Variants in MYO3B observed in about 807,000 individuals in gnomAD.
MYO3B encodes the protein myosin IIIB.
A neutral mutation model predicts 174.6 loss-of-function variants in MYO3B; 156 were observed. The observed-to-expected ratio is 0.89, with a 90% CI of 0.78 to 1.02. MYO3B has a LOEUF of 1.02. Ranked by LOEUF, MYO3B falls within the 50% of genes least tolerant of loss-of-function variation. MYO3B has a pLI of 0.00. For missense variants in MYO3B, 1,632 were observed against 1,639.4 expected, an observed-to-expected ratio of 1.00 and a Z score of 0.08; for synonymous variants, 563 against 569.1, an observed-to-expected ratio of 0.99 and a Z score of 0.15.
intron 32 of MYO3B, among the ~76,000 whole-genome samples, chr2:170,628,262 C>T (rs1019518281): frequency 7.9e-5 from 12 of 152,246 alleles, no homozygotes; most frequent in Admixed American, 7.9e-4. Context: ...GCCCCACCCC[C>T]AGCCTCACTG....
At chr2:170,197,864 A>T (rs2092617693) in intron 1 of MYO3B, among the ~76,000 whole-genome samples, 1 of 152,156 alleles carries the variant, frequency 6.6e-6, no homozygotes. Context: ...GATGGTGTAC[A>T]ATCACCTTGA....
At position 170,654,333 on chromosome 2, in the gene MYO3B, T is replaced by C. The variant is rs1699172072; in HGVS notation, c.*1212T>C. 1 of 152,070 alleles carries C rather than the reference T, an allele frequency of 6.6e-6. No homozygotes were observed. The highest frequency in any genetic ancestry group is 2.1e-4 in the South Asian group (1 of 4,830). The allele number at this position is 152,070 out of a possible 1,614,324, so 9.4% of individuals were successfully genotyped here. On this transcript the variant is annotated 3_prime_UTR_variant, in exon 35 of 35. Transcript: ENST00000408978. The stretch of plus-strand genomic sequence containing the variant: ...TTAATATTTTTCTTACTCTAAAATA[T>C]GTGGTAGATAGTATGCAAGAAAAGC...
At chr2:170,423,005 G>C (rs1233216458) in intron 22 of MYO3B, among the ~76,000 whole-genome samples, 3 of 78,508 alleles carry the variant, frequency 3.8e-5, no homozygotes, top group African/African-American at 1.4e-4. Flanking sequence ...TTTTGAGACA[G>C]AGTTTCACTC....
At chr2:170,545,611 T>G (rs1384462033) in intron 32 of MYO3B, among the ~76,000 whole-genome samples, 1 of 152,240 alleles carries the variant, frequency 6.6e-6, no homozygotes, top group Admixed American at 6.5e-5. Context: ...AGAGACTTGT[T>G]GGATTACAAT....
chr2:170,506,086 G>C (rs755812670), intron 28 of MYO3B, among the ~76,000 whole-genome samples: 1 of 152,190 alleles, frequency 6.6e-6, no homozygotes, highest in Non-Finnish European at 1.5e-5. Context: ...CATCAGCAGA[G>C]ACTCTGACGA....
At chr2:170,555,778 A>G (rs1691244363) in intron 32 of MYO3B, among the ~76,000 whole-genome samples, 1 of 152,186 alleles carries the variant, frequency 6.6e-6, no homozygotes, top group South Asian at 2.1e-4. Context: ...AGGCTGAGGT[A>G]GAAAGATCAC....
chr2:170,305,630 G>A (rs1245224517), intron 7 of MYO3B, among the ~76,000 whole-genome samples: 2 of 152,150 alleles, frequency 1.3e-5, no homozygotes, highest in African/African-American at 2.4e-5. Context: ...CATCATTCAA[G>A]TAGTCTTAGC....
intron 32 of MYO3B, among the ~76,000 whole-genome samples, chr2:170,647,644 T>C (rs1393227878): frequency 6.6e-6 from 1 of 152,212 alleles, no homozygotes; most frequent in African/African-American, 2.4e-5. Context: ...CAGATTCTAG[T>C]ATAGTGTAGA....
chr2:170,617,694 T>G (rs531463086), intron 32 of MYO3B, among the ~76,000 whole-genome samples: 2 of 152,268 alleles, frequency 1.3e-5, no homozygotes, highest in East Asian at 3.9e-4. Flanking sequence ...AAAAAGGAGT[T>G]AAATCTACGA....
intron 7 of MYO3B, among the ~76,000 whole-genome samples, chr2:170,271,591 G>A (rs2093425487): frequency 6.6e-6 from 1 of 152,174 alleles, no homozygotes; most frequent in African/African-American, 2.4e-5. Context: ...AGTGCATAGA[G>A]TACAACGTGG....
chr2:170,645,685 A>G (rs973208196), intron 32 of MYO3B, among the ~76,000 whole-genome samples: 1 of 152,154 alleles, frequency 6.6e-6, no homozygotes, highest in African/African-American at 2.4e-5. Flanking sequence ...TCATATATGC[A>G]AAGAACTAAC....
intron 7 of MYO3B, among the ~76,000 whole-genome samples, chr2:170,281,206 G>A (rs944741089): frequency 3.3e-5 from 5 of 152,088 alleles, no homozygotes; most frequent in Non-Finnish European, 7.4e-5. Flanking sequence ...CTGGTTAACT[G>A]TATTCCCAGG....
chr2:170,351,580 G>A (rs2094070412), intron 8 of MYO3B, among the ~76,000 whole-genome samples: 1 of 152,040 alleles, frequency 6.6e-6, no homozygotes, highest in Admixed American at 6.6e-5. Flanking sequence ...GAGACCCAGA[G>A]AGCCAAGCAG....
At chr2:170,350,720 A>G in intron 8 of MYO3B, 1 of 152,198 alleles carries the variant, frequency 6.6e-6, no homozygotes, top group East Asian at 1.9e-4. Context: ...CACAGATGTT[A>G]ATTTTGGCCA....
chr2:170,581,129 C>T (rs1273915047), intron 32 of MYO3B, among the ~76,000 whole-genome samples: 3 of 152,148 alleles, frequency 2.0e-5, no homozygotes, highest in African/African-American at 7.2e-5. Context: ...CAAATTTGCA[C>T]TCATACCAGC....
intron 32 of MYO3B, among the ~76,000 whole-genome samples, chr2:170,635,524 T>A (rs963459641): frequency 1.3e-5 from 2 of 152,026 alleles, no homozygotes; most frequent in Non-Finnish European, 2.9e-5. Context: ...AATGACAAGT[T>A]AATGGGTGCA....
intron 7 of MYO3B, among the ~76,000 whole-genome samples, chr2:170,303,645 A>AG (rs2093680664): frequency 6.6e-6 from 1 of 152,028 alleles, no homozygotes; most frequent in African/African-American, 2.4e-5. Context: ...TTAAAAAAAA[A>AG]CTAATAGATC....
At chr2:170,401,805 T>C in intron 18 of MYO3B, 114 bp downstream of exon 18, 1 of 919,188 alleles carries the variant, frequency 1.1e-6, no homozygotes, top group Non-Finnish European at 1.5e-6. Flanking sequence ...TCTTTTTCTT[T>C]TTTTTTTTTT....
intron 7 of MYO3B, among the ~76,000 whole-genome samples, chr2:170,272,718 A>AT (rs1291932629): frequency 1.3e-5 from 2 of 152,170 alleles, no homozygotes; most frequent in Non-Finnish European, 2.9e-5. Flanking sequence ...GAGTGACTGT[A>AT]TTAATGCTAT....
Sources: allele counts gnomAD v4.1 joint callset (sites outside exome capture counted in the v4.1 genomes callset), GRCh38; gene constraint gnomAD v4.1.1; transcripts MANE v1.5; gene names NCBI Gene and HGNC (gene_info 2026-07-23, HGNC 2026-07-21).